The following MYO3B variants were observed in gnomAD, a reference collection of about 807,000 sequenced individuals.
MYO3B encodes the protein myosin IIIB.
MYO3B carries 156 observed loss-of-function variants against 174.6 expected under a neutral mutation model. The ratio of observed to expected loss-of-function variants is 0.89; its 90% CI spans 0.78 to 1.02. The LOEUF (loss-of-function observed/expected upper bound fraction) is 1.02. MYO3B is among the 50% of genes least tolerant of loss of function. MYO3B has a pLI of 0.00. For synonymous variants in MYO3B, 563 were observed against 569.1 expected (o/e 0.99, Z 0.15); for missense variants, 1,632 against 1,639.4 (o/e 1.00, Z 0.08).
chr2:170,411,512 T>TA (rs1419182762), intron 22 of MYO3B, among the ~76,000 whole-genome samples: 4 of 152,166 alleles, frequency 2.6e-5, no homozygotes, highest in African/African-American at 9.7e-5. Flanking sequence ...ACAACTATGG[T>TA]ATGATAATGT....
chr2:170,512,611 C>G (rs1470809782), intron 28 of MYO3B, among the ~76,000 whole-genome samples: 3 of 152,178 alleles, frequency 2.0e-5, no homozygotes, highest in Admixed American at 6.5e-5. Context: ...GGGTGGGTCA[C>G]TAAATGCCAG....
chr2:170,418,893 T>C (rs2094598022), intron 22 of MYO3B, among the ~76,000 whole-genome samples: 1 of 152,088 alleles, frequency 6.6e-6, no homozygotes, highest in African/African-American at 2.4e-5. Flanking sequence ...TTTCCCTTTG[T>C]AGGGGAAAAG....
intron 25 of MYO3B, among the ~76,000 whole-genome samples, chr2:170,494,416 G>T (rs1255640153): frequency 1.3e-5 from 2 of 152,044 alleles, no homozygotes; most frequent in Non-Finnish European, 2.9e-5. Flanking sequence ...AGTGTTCTTT[G>T]GTCCTCGAGG....
chr2:170,565,088 A>T (rs2106262842), intron 32 of MYO3B, among the ~76,000 whole-genome samples: 1 of 152,298 alleles, frequency 6.6e-6, no homozygotes, highest in Non-Finnish European at 1.5e-5. Context: ...AGTGACCATG[A>T]CTCCATGCAA....
chr2:170,623,394 T>C (rs1406283760), intron 32 of MYO3B, among the ~76,000 whole-genome samples: 1 of 152,244 alleles, frequency 6.6e-6, no homozygotes, highest in African/African-American at 2.4e-5. Flanking sequence ...TCTGTTCATA[T>C]ACTTTGCACA....
At chr2:170,328,212 T>G (rs1366886920) in intron 7 of MYO3B, among the ~76,000 whole-genome samples, 1 of 152,112 alleles carries the variant, frequency 6.6e-6, no homozygotes, top group Non-Finnish European at 1.5e-5. Context: ...CATATGCATA[T>G]TTTGAATATA....
At chr2:170,239,718 A>T (rs1042448549) in intron 7 of MYO3B, among the ~76,000 whole-genome samples, 4 of 152,222 alleles carry the variant, frequency 2.6e-5, no homozygotes, top group African/African-American at 9.7e-5. Context: ...ACAGCTCATG[A>T]TCATCACCAA....
chr2:170,265,051 A>G lies in MYO3B; in HGVS notation c.749+28915A>G, dbSNP rs2093372302. Among the ~76,000 whole-genome samples, 2 of 152,188 alleles carry G rather than the reference A, an allele frequency of 1.3e-5. 1 individual carries two copies. Among genetic ancestry groups the G allele is most frequent in the Admixed American group, 1.3e-4 (2 of 15,274 alleles). On this transcript the variant is annotated intron_variant, in intron 7 of 34. Transcript: ENST00000408978. ...AAAAAGCCTTTTAAAGATTTTACAG[A>G]ATTCATATTTAGAATGCTGTGATTA...
At chr2:170,273,748 A>C (rs1209070738) in intron 7 of MYO3B, among the ~76,000 whole-genome samples, 1 of 16,376 alleles carries the variant, frequency 6.1e-5, no homozygotes, top group Non-Finnish European at 3.9e-4. Flanking sequence ...GCAGGATTGG[A>C]CTCGTGTAAT....
chr2:170,304,444 TA>T (rs2093686429), intron 7 of MYO3B, among the ~76,000 whole-genome samples: 1 of 151,626 alleles, frequency 6.6e-6, no homozygotes, highest in African/African-American at 2.4e-5. Flanking sequence ...TTTTTCACTT[TA>T]TTTTTTTTTC....
At chr2:170,248,263 A>G (rs1166014001) in intron 7 of MYO3B, among the ~76,000 whole-genome samples, 1 of 152,072 alleles carries the variant, frequency 6.6e-6, no homozygotes, top group Admixed American at 6.5e-5. Context: ...AGGGCTGAGG[A>G]GGGGTTTAAA....
chr2:170,441,934 T>A (rs1038021797), intron 22 of MYO3B, among the ~76,000 whole-genome samples: 1 of 152,194 alleles, frequency 6.6e-6, no homozygotes, highest in African/African-American at 2.4e-5. Flanking sequence ...ATCCTGTGAC[T>A]AAGAATGCCT....
chr2:170,432,430 G>A (rs1037190872), intron 22 of MYO3B, among the ~76,000 whole-genome samples: 11 of 151,880 alleles, frequency 7.2e-5, no homozygotes, highest in Non-Finnish European at 1.6e-4. Flanking sequence ...ATAGAATTAA[G>A]ATATAAAGAA....
At chr2:170,637,325 C>T (rs1190471765) in intron 32 of MYO3B, among the ~76,000 whole-genome samples, 1 of 151,950 alleles carries the variant, frequency 6.6e-6, no homozygotes, top group Non-Finnish European at 1.5e-5. Context: ...GCATACGCCA[C>T]CAGGCCCGGC....
chr2:170,573,796 A>T (rs908479065), intron 32 of MYO3B, among the ~76,000 whole-genome samples: 1 of 152,168 alleles, frequency 6.6e-6, no homozygotes, highest in Non-Finnish European at 1.5e-5. Flanking sequence ...CATATAAGTG[A>T]TCCTGCTTAA....
chr2:170,592,777 T>C (rs1693895512), intron 32 of MYO3B, among the ~76,000 whole-genome samples: 1 of 152,184 alleles, frequency 6.6e-6, no homozygotes, highest in African/African-American at 2.4e-5. Flanking sequence ...TTGGAATACA[T>C]TAATGAATGA....
intron 23 of MYO3B, among the ~76,000 whole-genome samples, chr2:170,454,655 A>G (rs1683806255): frequency 6.6e-6 from 1 of 152,204 alleles, no homozygotes; most frequent in African/African-American, 2.4e-5. Flanking sequence ...GGTAGCCACA[A>G]AGGCAATCCC....
chr2:170,510,860 T>C (rs1687935575), intron 28 of MYO3B, among the ~76,000 whole-genome samples: 1 of 152,200 alleles, frequency 6.6e-6, no homozygotes, highest in Admixed American at 6.5e-5. Context: ...GTCTGGCTTT[T>C]TTCACTTAGC....
intron 30 of MYO3B, among the ~76,000 whole-genome samples, chr2:170,532,984 C>T (rs1204274098): frequency 6.6e-6 from 1 of 152,124 alleles, no homozygotes; most frequent in Non-Finnish European, 1.5e-5. Flanking sequence ...ACTATTCTTG[C>T]ATCTTTTCTA....
Sources: gnomAD v4.1 joint callset for allele counts (sites outside exome capture counted in the v4.1 genomes callset) on GRCh38, gnomAD v4.1.1 for gene constraint, MANE v1.5 for transcripts, NCBI Gene and HGNC (gene_info 2026-07-23, HGNC 2026-07-21) for gene names.